Variants in PFDN1 observed in about 807,000 individuals in gnomAD.
PFDN1 encodes the protein prefoldin 1.
In PFDN1, 6 loss-of-function variants were observed where a neutral mutation model predicts 17.3. The ratio of observed to expected loss-of-function variants is 0.35; its 90% CI spans 0.19 to 0.69. The LOEUF (loss-of-function observed/expected upper bound fraction) is 0.69. Among genes scored for constraint, PFDN1 ranks in the 30% least tolerant of loss-of-function variants. PFDN1 has a pLI of 0.65. For synonymous variants in PFDN1, 58 were observed against 50.1 expected, an observed-to-expected ratio of 1.16 and a Z score of -0.67; for missense variants, 113 against 146.2, an observed-to-expected ratio of 0.77 and a Z score of 1.17.
intron 3 of PFDN1, among the ~76,000 whole-genome samples, chr5:140,276,058 T>C (rs1581090695): frequency 1.4e-5 from 2 of 146,472 alleles, no homozygotes; most frequent in African/African-American, 5.0e-5. Context: ...ATGATGATGA[T>C]GATAATTACA....
intron 3 of PFDN1, among the ~76,000 whole-genome samples, chr5:140,264,756 G>A (rs1203540762): frequency 2.6e-5 from 4 of 151,998 alleles, no homozygotes; most frequent in Non-Finnish European, 5.9e-5. Context: ...GAAGTAGGAG[G>A]AACACCTGAG....
chr5:140,297,176 T>C (rs1318770307), intron 2 of PFDN1, among the ~76,000 whole-genome samples: 1 of 152,220 alleles, frequency 6.6e-6, no homozygotes, highest in Non-Finnish European at 1.5e-5. Context: ...AAATGAAGTT[T>C]TGGATTTTAT....
At chr5:140,249,176 GAT>G (rs1764876928) in intron 3 of PFDN1, among the ~76,000 whole-genome samples, 1 of 152,208 alleles carries the variant, frequency 6.6e-6, no homozygotes, top group South Asian at 2.1e-4. Context: ...TTGACAAAAA[GAT>G]ATGCTGAAGT....
chr5:140,302,992 C>T (rs190419557), intron 1 of PFDN1, 49 bp downstream of exon 1: 6 of 1,317,234 alleles, frequency 4.6e-6, no homozygotes, highest in East Asian at 4.6e-5. Context: ...TCTATAGTCC[C>T]CTCAGCCTCC....
chr5:140,290,485 C>A (rs527492091), intron 2 of PFDN1, among the ~76,000 whole-genome samples: 5 of 152,240 alleles, frequency 3.3e-5, no homozygotes, highest in Non-Finnish European at 7.4e-5. Context: ...AGCATACGGC[C>A]CCTGAGGAGG....
rs35382235 is a variant in PFDN1 at position 140,285,309 on chromosome 5, C to T, written c.201-3776G>A. Reference sequence around the variant, plus strand: ...TTTGCAGTGAGCCGAGATCGCGCCACTGCACTCCAGCCTGGGCAACAGAGC... The same window carrying T: ...TTTGCAGTGAGCCGAGATCGCGCCATTGCACTCCAGCCTGGGCAACAGAGC... On this transcript the variant is annotated intron_variant, in intron 2 of 3. Transcript: ENST00000261813. Among the ~76,000 whole-genome samples the T allele has an allele frequency of 9.9e-3, 1,491 of 150,036 alleles. 22 individuals are homozygous for T. The highest frequency in any genetic ancestry group is 0.034 in the Middle Eastern group (10 of 292).
chr5:140,255,816 C>G (rs976303425), intron 3 of PFDN1, among the ~76,000 whole-genome samples: 2 of 152,166 alleles, frequency 1.3e-5, no homozygotes, highest in Non-Finnish European at 2.9e-5. Context: ...CCTTTCTTTA[C>G]CTCTCAGTCC....
chr5:140,250,029 T>G (rs1031150607), intron 3 of PFDN1, among the ~76,000 whole-genome samples: 2 of 152,094 alleles, frequency 1.3e-5, no homozygotes, highest in African/African-American at 4.8e-5. Context: ...TCCAGTGCGG[T>G]GCTGTGCTCT....
At chr5:140,276,523 G>A (rs1018547068) in intron 3 of PFDN1, among the ~76,000 whole-genome samples, 1 of 152,194 alleles carries the variant, frequency 6.6e-6, no homozygotes, top group Non-Finnish European at 1.5e-5. Context: ...GCTCATGCCT[G>A]TAATCCCAGC....
chr5:140,298,161 T>G (rs993547194), intron 2 of PFDN1, among the ~76,000 whole-genome samples: 9 of 152,300 alleles, frequency 5.9e-5, no homozygotes, highest in Admixed American at 5.2e-4. Flanking sequence ...ACATAAAATT[T>G]ACTTGTGCTA....
intron 3 of PFDN1, among the ~76,000 whole-genome samples, chr5:140,251,826 T>A (rs1360868403): frequency 1.3e-5 from 2 of 152,126 alleles, no homozygotes; most frequent in African/African-American, 4.8e-5. Flanking sequence ...GGTGTTTCAT[T>A]CTCATCCTCT....
intron 2 of PFDN1, among the ~76,000 whole-genome samples, chr5:140,283,281 G>A (rs2126694286): frequency 6.6e-6 from 1 of 152,128 alleles, no homozygotes; most frequent in South Asian, 2.1e-4. Context: ...TGCCCAGGCT[G>A]GAGTGCAGTG....
chr5:140,285,095 A>G (rs1765465310), intron 2 of PFDN1, among the ~76,000 whole-genome samples: 1 of 152,232 alleles, frequency 6.6e-6, no homozygotes, highest in Non-Finnish European at 1.5e-5. Flanking sequence ...ATGGTCACCT[A>G]GACATATGCT....
At chr5:140,288,240 G>T (rs1292566317) in intron 2 of PFDN1, among the ~76,000 whole-genome samples, 1 of 152,176 alleles carries the variant, frequency 6.6e-6, no homozygotes, top group Non-Finnish European at 1.5e-5. Context: ...ACGAAATGAG[G>T]TATCAAGTCA....
intron 3 of PFDN1, among the ~76,000 whole-genome samples, chr5:140,280,017 A>AAAAAAAG (rs1561509725): frequency 2.1e-5 from 3 of 145,520 alleles, no homozygotes; most frequent in African/African-American, 7.7e-5. Context: ...AAAAAAACAA[A>AAAAAAAG]AAAAGAAAAG....
intron 3 of PFDN1, among the ~76,000 whole-genome samples, chr5:140,260,420 CA>C (rs1219426307): frequency 2.0e-5 from 3 of 151,330 alleles, no homozygotes; most frequent in Non-Finnish European, 4.4e-5. Flanking sequence ...TTACAACAGC[CA>C]AAAAGGGGAA....
intron 3 of PFDN1, among the ~76,000 whole-genome samples, chr5:140,278,820 G>A (rs1304617665): frequency 2.6e-5 from 4 of 152,154 alleles, no homozygotes; most frequent in African/African-American, 9.7e-5. Context: ...CAGTGTATAT[G>A]TGCATAAGTG....
chr5:140,302,842 G>A (rs1216051794), intron 1 of PFDN1, among the ~76,000 whole-genome samples, 199 bp downstream of exon 1: 1 of 151,862 alleles, frequency 6.6e-6, no homozygotes, highest in Non-Finnish European at 1.5e-5. Context: ...CAGACCAACC[G>A]GCTCCTACCC....
In PFDN1 at chr5:140,303,086, T is replaced by C; in HGVS notation, c.-13A>G. On this transcript the variant is annotated 5_prime_UTR_variant, in exon 1 of 4. Coordinates refer to ENST00000261813, the MANE Select transcript of PFDN1 (RefSeq NM_002622.5). ...CGGGGGCGGCCATCTTGGTGCACTG[T>C]AAGCGCCTGCGCAGTGGGAGTTGGA... 1 of 1,609,528 alleles carries C rather than the reference T, an allele frequency of 6.2e-7. No homozygotes were observed. The highest frequency in any genetic ancestry group is 2.2e-5 in the East Asian group (1 of 44,866).
Sources: gnomAD v4.1 joint callset for allele counts (sites outside exome capture counted in the v4.1 genomes callset) on GRCh38, gnomAD v4.1.1 for gene constraint, MANE v1.5 for transcripts, NCBI Gene and HGNC (gene_info 2026-07-23, HGNC 2026-07-21) for gene names.